The following MYPN variants were observed in gnomAD, a reference collection of about 807,000 sequenced individuals.
The protein encoded by MYPN is myopalladin.
A neutral mutation model predicts 129.4 loss-of-function variants in MYPN; 63 were observed. The ratio of observed to expected loss-of-function variants is 0.49; its 90% CI spans 0.40 to 0.60. The LOEUF (loss-of-function observed/expected upper bound fraction) is 0.60. MYPN is among the 20% of genes least tolerant of loss of function. The pLI is 0.00. For missense variants in MYPN, 1,596 were observed against 1,635.4 expected (o/e 0.98, Z 0.42); for synonymous variants, 629 against 600.9 (o/e 1.05, Z -0.68).
intron 18 of MYPN, 70 bp from the exon 19 acceptor site, chr10:68,206,700 G>A: frequency 1.2e-6 from 2 of 1,607,618 alleles, no homozygotes; most frequent in Non-Finnish European, 1.7e-6. Context: ...CTTCTTCCTG[G>A]AACCCTAAAT....
intron 2 of MYPN, chr10:68,136,858 A>G: frequency 9.8e-7 from 1 of 1,019,848 alleles, no homozygotes; most frequent in Non-Finnish European, 1.4e-6. Flanking sequence ...ATTGCTTTAA[A>G]AGCCAAATGT....
upstream of MYPN, among the ~76,000 whole-genome samples, chr10:68,107,588 C>T (rs1278099414): frequency 6.6e-6 from 1 of 151,658 alleles, no homozygotes; most frequent in African/African-American, 2.4e-5. Flanking sequence ...TGAGCTCAGG[C>T]GATCCGCCTG....
At chr10:68,160,168 G>A (rs1245679309) in intron 7 of MYPN, among the ~76,000 whole-genome samples, 1 of 151,946 alleles carries the variant, frequency 6.6e-6, no homozygotes, top group Non-Finnish European at 1.5e-5. Context: ...AGGACTTTGG[G>A]AGGCCAGGCC....
Position 68,174,292 on chromosome 10 carries a change from G to A in MYPN, c.2200G>A (p.Ala734Thr), listed in dbSNP as rs927839092. 11 of 1,613,914 alleles carry A rather than the reference G, an allele frequency of 6.8e-6. No homozygotes were observed. The highest frequency in any genetic ancestry group is 2.7e-5 in the African/African-American group (2 of 74,850). Reference protein sequence around the residue: ...KYFFPSTNTTAATVAPSSSPV... With the variant: ...KYFFPSTNTTTATVAPSSSPV... ...TTTCTTCCCCTCCACGAACACCACC[G>A]CAGCAACTGTGGCCCCTTCCAGCTC... The change falls in exon 11 of 20, where the codon GCA (alanine) becomes ACA (threonine). Residue 734 changes from alanine (A) to threonine (T), a missense_variant. Ala to Thr is a moderately conservative substitution (Grantham distance 58, BLOSUM62 0). Coordinates refer to ENST00000358913, the MANE Select transcript of MYPN (RefSeq NM_032578.4).
chr10:68,189,057 G>C lies in MYPN; in HGVS notation c.2856G>C (p.Lys952Asn). 1 of 1,614,120 alleles carries C rather than the reference G, an allele frequency of 6.2e-7. No individual in the cohort carries two copies. Among genetic ancestry groups the C allele is most frequent in the Non-Finnish European group, 8.5e-7 (1 of 1,180,000 alleles). Reference sequence around the variant, plus strand: ...CTCCCATCTTTGACAAGAGACTCAAGCACTTCCGGGTCACAGAAGGCTCTC... The same window carrying C: ...CTCCCATCTTTGACAAGAGACTCAACCACTTCCGGGTCACAGAAGGCTCTC... ...CIAPIFDKRL[K>N]HFRVTEGSPV... The change falls in exon 13 of 20, where the codon AAG becomes AAC. Residue 952 changes from lysine (K) to asparagine (N), a missense_variant. Physicochemically the swap from Lys to Asn is moderately conservative, Grantham distance 94. Coordinates refer to ENST00000358913, the MANE Select transcript of MYPN (RefSeq NM_032578.4).
Position 68,141,261 on chromosome 10 carries a change from C to T in MYPN, c.903-1679C>T, listed in dbSNP as rs775272236. Among the ~76,000 whole-genome samples, 46 of 151,620 alleles carry T rather than the reference C, an allele frequency of 3.0e-4. 1 individual carries two copies. The highest frequency in any genetic ancestry group is 3.4e-3 in the Middle Eastern group (1 of 290). ...GTGTGCACCTGTAGCCCCTGCTACT[C>T]GGGAGGCTGAGGCAGGAGAATTGCT... On this transcript the variant is annotated intron_variant, in intron 2 of 19. Transcript: ENST00000358913.
upstream of MYPN, among the ~76,000 whole-genome samples, chr10:68,108,870 G>A (rs986223971): frequency 2.6e-5 from 4 of 152,028 alleles, no homozygotes; most frequent in African/African-American, 7.2e-5. Context: ...ATAGGCATGC[G>A]CCACCAAACC....
intron 19 of MYPN, among the ~76,000 whole-genome samples, 153 bp downstream of exon 19, chr10:68,207,056 AAGACCAGCCTGG>A (rs2043828823): frequency 6.6e-6 from 1 of 152,120 alleles, no homozygotes; most frequent in Admixed American, 6.5e-5. Flanking sequence ...TCAGGAGTTC[AAGACCAGCCTGG>A]TCAACGTGAT....
At chr10:68,166,830 A>T (rs1160564400) in intron 10 of MYPN, among the ~76,000 whole-genome samples, 164 bp downstream of exon 10, 1 of 151,990 alleles carries the variant, frequency 6.6e-6, no homozygotes, top group Non-Finnish European at 1.5e-5. Context: ...GGAATTCGAG[A>T]CCAGCCGGGG....
At chr10:68,204,725 C>CAAAAAAA (rs33973275) in intron 18 of MYPN, among the ~76,000 whole-genome samples, 39 of 89,338 alleles carry the variant, frequency 4.4e-4, no homozygotes, top group Non-Finnish European at 6.4e-4. Flanking sequence ...GACTCTGTCT[C>CAAAAAAA]AAAAAAAAAA....
intron 2 of MYPN, chr10:68,136,481 A>C: frequency 8.3e-7 from 1 of 1,201,742 alleles, no homozygotes; most frequent in Non-Finnish European, 1.1e-6. Flanking sequence ...GACCCTCAAA[A>C]GTCTTCAGCA....
intron 9 of MYPN, 72 bp downstream of exon 9, chr10:68,165,890 A>T (rs1457823273): frequency 9.7e-6 from 12 of 1,235,660 alleles, no homozygotes; most frequent in Non-Finnish European, 1.4e-5. Context: ...TTGTGTTTCC[A>T]TTCCTTCCTG....
intron 12 of MYPN, among the ~76,000 whole-genome samples, chr10:68,176,581 A>T (rs1265587533): frequency 2.0e-5 from 3 of 152,190 alleles, no homozygotes; most frequent in African/African-American, 7.2e-5. Context: ...ATATTGAGCA[A>T]CTTATACTGA....
At position 68,178,556 on chromosome 10, in the gene MYPN, T is replaced by C. The variant is rs754501018; in HGVS notation, c.2703+3095T>C. 9.9e-5 allele frequency among the ~76,000 whole-genome samples: 15 copies of C among 151,888 alleles called. No homozygotes were observed. The South Asian group carries it at 1.0e-3, about 11-fold the overall frequency. ...AGTGAAACCCCGTCTCTACTAAACA[T>C]ACAAAAATTAGATGGGTTTGGCAGT... On this transcript the variant is annotated intron_variant, in intron 12 of 19. Coordinates refer to ENST00000358913, the MANE Select transcript of MYPN (RefSeq NM_032578.4).
chr10:68,087,978 T>C (rs1315486407), exon 1 of MYPN, among the ~76,000 whole-genome samples: 1 of 152,204 alleles, frequency 6.6e-6, no homozygotes, highest in East Asian at 1.9e-4. Context: ...GGAGCTCCAC[T>C]GCTGTTTGTG....
intron 12 of MYPN, among the ~76,000 whole-genome samples, chr10:68,178,494 C>T (rs1179427073): frequency 6.6e-6 from 1 of 151,974 alleles, no homozygotes; most frequent in Non-Finnish European, 1.5e-5. Context: ...ACAGGCGGAT[C>T]ACTTGAGGTC....
intron 2 of MYPN, among the ~76,000 whole-genome samples, chr10:68,126,036 C>T (rs1365275834): frequency 6.6e-6 from 1 of 151,964 alleles, no homozygotes; most frequent in Non-Finnish European, 1.5e-5. Context: ...GCCTGGAGTG[C>T]ATGATAAAGG....
chr10:68,107,319 G>C (rs989906555), upstream of MYPN, among the ~76,000 whole-genome samples: 6 of 149,412 alleles, frequency 4.0e-5, no homozygotes, highest in Middle Eastern at 3.5e-3. Context: ...CTGCCATTCA[G>C]AATGTCTTTG....
rs1311518691 is a variant in MYPN at position 68,121,537 on chromosome 10, T to A, written c.99T>A (p.Ser33Arg). Residue 33 changes from serine to arginine, a missense_variant, in exon 2 of 20, where the codon AGT becomes AGA. Transcript: ENST00000358913. ...GACATCGGGGAAACAATGAGAGGAGTCGAGCGGAGCCCTCCTCCAACCCTT... is the reference window on the plus strand; with the variant it reads ...GACATCGGGGAAACAATGAGAGGAGACGAGCGGAGCCCTCCTCCAACCCTT... The part of the protein sequence containing the change: ...ETRHRGNNER[S>R]RAEPSSNPCH... 1.2e-6 allele frequency: 2 copies of A among 1,613,666 alleles called. No individual in the cohort carries two copies. Among genetic ancestry groups the A allele is most frequent in the Non-Finnish European group, 1.7e-6 (2 of 1,179,888 alleles).
Sources: allele counts gnomAD v4.1 joint callset (sites outside exome capture counted in the v4.1 genomes callset), GRCh38; gene constraint gnomAD v4.1.1; transcripts MANE v1.5; gene names NCBI Gene and HGNC (gene_info 2026-07-23, HGNC 2026-07-21).